Variants in PARD3B observed in about 807,000 individuals in gnomAD.
The protein encoded by PARD3B is par-3 family cell polarity regulator beta.
A neutral mutation model predicts 130.2 loss-of-function variants in PARD3B; 103 were observed. The observed-to-expected ratio is 0.79, with a 90% CI of 0.67 to 0.93. The LOEUF is 0.93. Among genes scored for constraint, PARD3B ranks in the 40% least tolerant of loss-of-function variants. The probability of loss-of-function intolerance (pLI) is 0.00; values close to 1 mark genes in which losing one functional copy is unlikely to be tolerated. For missense variants in PARD3B, 1,609 were observed against 1,499.2 expected (o/e 1.07, Z -1.21); for synonymous variants, 583 against 553.2 (o/e 1.05, Z -0.76).
intron 21 of PARD3B, among the ~76,000 whole-genome samples, chr2:205,507,194 G>GGAT (rs2050400247): frequency 3.9e-5 from 1 of 25,334 alleles, no homozygotes; most frequent in Non-Finnish European, 1.1e-4. Flanking sequence ...GACAGGTGCA[G>GGAT]TATTTTTTTT....
At chr2:205,136,411 A>G (rs988753916) in intron 10 of PARD3B, among the ~76,000 whole-genome samples, 4 of 152,252 alleles carry the variant, frequency 2.6e-5, no homozygotes, top group African/African-American at 7.2e-5. Flanking sequence ...GCCATTGAAG[A>G]TGGCAGTGAT....
intron 22 of PARD3B, among the ~76,000 whole-genome samples, chr2:205,613,717 T>A (rs1281134268): frequency 6.6e-6 from 1 of 152,222 alleles, no homozygotes. Context: ...TTATTATACA[T>A]AGCCAAATTA....
intron 21 of PARD3B, among the ~76,000 whole-genome samples, chr2:205,502,921 G>A (rs1057076591): frequency 2.0e-5 from 3 of 151,920 alleles, no homozygotes; most frequent in Non-Finnish European, 2.9e-5. Flanking sequence ...CCAGTGGCCT[G>A]AAGTCTAAGC....
At chr2:204,898,370 G>C (rs920118082) in intron 2 of PARD3B, among the ~76,000 whole-genome samples, 2 of 151,500 alleles carry the variant, frequency 1.3e-5, no homozygotes, top group African/African-American at 4.9e-5. Flanking sequence ...TCCTCCTGTT[G>C]TGCTATCAAA....
At chr2:204,801,147 G>A (rs1408818605) in intron 2 of PARD3B, among the ~76,000 whole-genome samples, 1 of 152,128 alleles carries the variant, frequency 6.6e-6, no homozygotes, top group Non-Finnish European at 1.5e-5. Context: ...GTCAGGTAGA[G>A]TGATACCTCC....
rs554430410 is a variant in PARD3B at position 204,677,451 on chromosome 2, C to T, written c.121-8730C>T. ...TGTCTTTGAAATAGCAAAGTGTTTT[C>T]CTTTTTGTTCTCCAATTTAGACAAG... On this transcript the variant is annotated intron_variant, in intron 1 of 22. Transcript: ENST00000406610. The surrounding 1 kb of genome is among the most constrained non-coding windows in gnomAD (Gnocchi z 4.1). 1.3e-5 allele frequency among the ~76,000 whole-genome samples: 2 copies of T among 152,284 alleles called. No individual in the cohort carries two copies. Among genetic ancestry groups the T allele is most frequent in the East Asian group, 3.9e-4 (2 of 5,192 alleles).
chr2:204,758,451 C>T (rs2040768466), intron 2 of PARD3B, among the ~76,000 whole-genome samples: 1 of 152,102 alleles, frequency 6.6e-6, no homozygotes, highest in Non-Finnish European at 1.5e-5. Flanking sequence ...GGAAATGGGA[C>T]AAGTTCACAC....
chr2:205,272,664 G>A (rs1224885737), intron 16 of PARD3B, among the ~76,000 whole-genome samples: 1 of 152,174 alleles, frequency 6.6e-6, no homozygotes, highest in East Asian at 1.9e-4. Context: ...TCCATACCGT[G>A]TAGCTTCCAA....
intron 6 of PARD3B, among the ~76,000 whole-genome samples, chr2:205,115,496 C>G (rs1003759648): frequency 7.2e-5 from 11 of 152,018 alleles, no homozygotes; most frequent in African/African-American, 2.7e-4. Context: ...AACCAAAAAG[C>G]CTGATTCAGA....
chr2:204,843,338 C>T (rs531637342), intron 2 of PARD3B, among the ~76,000 whole-genome samples: 14 of 152,216 alleles, frequency 9.2e-5, no homozygotes, highest in Non-Finnish European at 1.8e-4. Flanking sequence ...ATCTATGCTG[C>T]ATAATCATCT....
intron 2 of PARD3B, among the ~76,000 whole-genome samples, chr2:204,775,297 T>C (rs1051584042): frequency 1.3e-5 from 2 of 152,154 alleles, no homozygotes; most frequent in Admixed American, 6.6e-5. Flanking sequence ...TTTATAAAAT[T>C]TCCTCTTTTC....
chr2:204,664,901 G>C lies in PARD3B; in HGVS notation c.121-21280G>C, dbSNP rs1311629935. On this transcript the variant is annotated intron_variant, in intron 1 of 22. Coordinates refer to ENST00000406610, the MANE Select transcript of PARD3B (RefSeq NM_001302769.2). The surrounding 1 kb of genome is among the most constrained non-coding windows in gnomAD (Gnocchi z 5.2). ...CATCTCATTCTTTACCATGTTTGTT[G>C]GGCATTAGTTTAAAAGCCTAGCATT... 6.6e-6 allele frequency among the ~76,000 whole-genome samples: 1 copy of C among 152,036 alleles called. No homozygotes were observed. The highest frequency in any genetic ancestry group is 2.4e-5 in the African/African-American group (1 of 41,388).
chr2:204,801,507 T>TG (rs1559155728), intron 2 of PARD3B, among the ~76,000 whole-genome samples: 1 of 152,214 alleles, frequency 6.6e-6, no homozygotes, highest in Non-Finnish European at 1.5e-5. Context: ...ATGATTTGGC[T>TG]TTCTATTATT....
At chr2:204,783,842 C>T (rs552026826) in intron 2 of PARD3B, among the ~76,000 whole-genome samples, 9 of 151,992 alleles carry the variant, frequency 5.9e-5, no homozygotes, top group Admixed American at 1.3e-4. Context: ...ATATTTAGAG[C>T]TTTTCCTTGC....
intron 22 of PARD3B, among the ~76,000 whole-genome samples, chr2:205,608,374 G>A (rs1158729564): frequency 1.3e-5 from 2 of 152,212 alleles, no homozygotes; most frequent in African/African-American, 2.4e-5. Context: ...AAGAGAGAGA[G>A]ATGATTTAAG....
intron 2 of PARD3B, among the ~76,000 whole-genome samples, chr2:204,714,807 C>T (rs2125307137): frequency 6.6e-6 from 1 of 152,312 alleles, no homozygotes; most frequent in Non-Finnish European, 1.5e-5. Flanking sequence ...TCAGTATCTA[C>T]TACCTAATCA....
At chr2:204,798,951 T>A (rs1396831741) in intron 2 of PARD3B, among the ~76,000 whole-genome samples, 1 of 151,750 alleles carries the variant, frequency 6.6e-6, no homozygotes, top group African/African-American at 2.4e-5. Context: ...CCCAGCGCAT[T>A]CCCGCCTTTC....
intron 1 of PARD3B, among the ~76,000 whole-genome samples, chr2:204,598,934 T>G (rs532545526): frequency 1.3e-5 from 2 of 152,190 alleles, no homozygotes; most frequent in South Asian, 4.1e-4. Flanking sequence ...TTTTTTCTTT[T>G]CATCAATATG....
At chr2:204,975,677 C>T (rs535891974) in intron 3 of PARD3B, among the ~76,000 whole-genome samples, 1 of 152,320 alleles carries the variant, frequency 6.6e-6, no homozygotes, top group African/African-American at 2.4e-5. Context: ...GGCTGTACCT[C>T]AGACTAATTT....
Sources: allele counts gnomAD v4.1 joint callset (sites outside exome capture counted in the v4.1 genomes callset), GRCh38; gene constraint gnomAD v4.1.1; non-coding constraint Gnocchi (gnomAD v3.1); transcripts MANE v1.5; gene names NCBI Gene and HGNC (gene_info 2026-07-23, HGNC 2026-07-21).